BTNL8: variants seen among roughly 807,000 people sequenced by gnomAD.
The protein encoded by BTNL8 is butyrophilin like 8.
Under a neutral mutation model 36.1 loss-of-function variants are expected in BTNL8, and 22 were observed. The ratio of observed to expected loss-of-function variants is 0.61; its 90% CI spans 0.44 to 0.87. BTNL8 has a LOEUF of 0.87. Among genes scored for constraint, BTNL8 ranks in the 40% least tolerant of loss-of-function variants. The probability of loss-of-function intolerance (pLI) is 0.00; values close to 1 mark genes in which losing one functional copy is unlikely to be tolerated. For synonymous variants in BTNL8, 203 were observed against 235.6 expected (o/e 0.86, Z 1.27); for missense variants, 526 against 616.9 (o/e 0.85, Z 1.56).
At chr5:180,907,134 A>G (rs1283103647) in intron 1 of BTNL8, among the ~76,000 whole-genome samples, 1 of 118,476 alleles carries the variant, frequency 8.4e-6, no homozygotes, top group Non-Finnish European at 1.7e-5. Context: ...ACTTGGTTCC[A>G]TTCTCCCCAT....
chr5:180,932,543 G>T (rs933574427), intron 3 of BTNL8, among the ~76,000 whole-genome samples: 6 of 152,032 alleles, frequency 3.9e-5, no homozygotes, highest in Non-Finnish European at 7.4e-5. Flanking sequence ...TAGAGACAGG[G>T]TTTCACCATG....
At chr5:180,901,725 T>G (rs552353064) in intron 1 of BTNL8, among the ~76,000 whole-genome samples, 1 of 152,212 alleles carries the variant, frequency 6.6e-6, no homozygotes, top group South Asian at 2.1e-4. Context: ...AGGACATACA[T>G]GTACCAAGAA....
chr5:180,933,284 T>A (rs1758492515), intron 3 of BTNL8, among the ~76,000 whole-genome samples: 1 of 152,198 alleles, frequency 6.6e-6, no homozygotes, highest in Non-Finnish European at 1.5e-5. Flanking sequence ...ACTTTGGACT[T>A]AAACTACATG....
intron 3 of BTNL8, among the ~76,000 whole-genome samples, chr5:180,912,309 G>A (rs1344938902): frequency 1.3e-5 from 2 of 152,014 alleles, no homozygotes; most frequent in African/African-American, 2.4e-5. Flanking sequence ...CATGAGTTGG[G>A]ACCTAAAAGA....
rs1471190461 is a variant in BTNL8, at chr5:180,935,839, TCAA to T, written c.674-11670_674-11668del. On this transcript the variant is annotated intron_variant, in intron 3 of 7. Transcript: ENST00000340184. This position sits in a 1 kb window ranked among gnomAD's most constrained non-coding sequence, Gnocchi z 4.8. ...TGCTCCAGACAGGCTGCCACTGTTA[TCAA>T]CATCATACTTAAACATGAAAAGTGG... Among the ~76,000 whole-genome samples, 3 of 151,910 alleles carry T rather than the reference TCAA, an allele frequency of 2.0e-5. No homozygotes were observed. Among genetic ancestry groups the T allele is most frequent in the Non-Finnish European group, 4.4e-5 (3 of 68,010 alleles).
At chr5:180,940,944 T>A (rs1187882060) in intron 3 of BTNL8, among the ~76,000 whole-genome samples, 2 of 151,858 alleles carry the variant, frequency 1.3e-5, no homozygotes, top group Non-Finnish European at 2.9e-5. Flanking sequence ...CCCATAAAAA[T>A]TAGCTGGGCT....
chr5:180,940,249 G>A (rs1758859736), intron 3 of BTNL8, among the ~76,000 whole-genome samples: 1 of 151,682 alleles, frequency 6.6e-6, no homozygotes, highest in Non-Finnish European at 1.5e-5. Context: ...TGAGGCAGGA[G>A]AATCTCTTGA....
chr5:180,910,052 G>C (rs779939482), intron 2 of BTNL8: 1 of 152,160 alleles, frequency 6.6e-6, no homozygotes, highest in Non-Finnish European at 1.5e-5. Flanking sequence ...CAGTCTCTGA[G>C]GAGAGTTTCA....
At position 180,908,843 on chromosome 5, in the gene BTNL8, A is replaced by G. The variant is rs763120109; in HGVS notation, c.307A>G (p.Asn103Asp). ...AEGRISLRLE[N>D]ITVLDAGLYG... ...GGGGCGCATCTCTCTGAGGCTGGAA[A>G]ACATTACTGTGTTGGATGCTGGCCT... Residue 103 changes from asparagine to aspartate, a missense_variant, in exon 2 of 8, where the codon AAC becomes GAC. By Grantham distance (23) the Asn-to-Asp change is conservative. Around this residue, in one of 2 missense-constraint regions of BTNL8, gnomAD observed 350 missense variants for 324.6 expected, o/e 1.08. Transcript: ENST00000340184. 23 of 1,614,176 alleles carry G rather than the reference A, an allele frequency of 1.4e-5. 1 individual carries two copies. In the South Asian group the frequency reaches 2.4e-4, roughly 17 times the overall value.
chr5:180,943,620 G>A (rs1759093076), intron 3 of BTNL8, among the ~76,000 whole-genome samples: 1 of 152,122 alleles, frequency 6.6e-6, no homozygotes, highest in South Asian at 2.1e-4. Flanking sequence ...GTGGAGAAGA[G>A]GAACACTTAC....
intron 4 of BTNL8, chr5:180,948,013 T>G: frequency 1.5e-6 from 1 of 673,854 alleles, no homozygotes; most frequent in East Asian, 2.8e-5. Flanking sequence ...AATAAGACTT[T>G]TCACCCCCAA....
At chr5:180,920,858 C>T (rs1757833373) in intron 3 of BTNL8, among the ~76,000 whole-genome samples, 2 of 151,932 alleles carry the variant, frequency 1.3e-5, no homozygotes, top group South Asian at 2.1e-4. Context: ...CTATCACTAA[C>T]CATCAGGGAA....
intron 1 of BTNL8, 31 bp from the exon 2 acceptor site, chr5:180,908,555 G>T: frequency 6.2e-7 from 1 of 1,604,914 alleles, no homozygotes; most frequent in South Asian, 1.1e-5. Context: ...AAAGGGTTTT[G>T]ATGATTTATC....
intron 3 of BTNL8, among the ~76,000 whole-genome samples, chr5:180,936,898 T>C (rs1287769415): frequency 2.0e-5 from 3 of 152,164 alleles, no homozygotes; most frequent in Non-Finnish European, 4.4e-5. Flanking sequence ...TCCCCAGGAA[T>C]TGGGAATTAG....
rs1322250617 is a variant in BTNL8 at position 180,935,486 on chromosome 5, G to T, written c.674-12026G>T. On this transcript the variant is annotated intron_variant, in intron 3 of 7. Coordinates refer to ENST00000340184, the MANE Select transcript of BTNL8 (RefSeq NM_001040462.3). This position sits in a 1 kb window ranked among gnomAD's most constrained non-coding sequence, Gnocchi z 4.8. ...CTCCAGCACATGCATACCTGGCTGG[G>T]CACAACAGTGCCCGGACTCGGCTAC... 6.6e-6 allele frequency among the ~76,000 whole-genome samples: 1 copy of T among 152,200 alleles called. No individual in the cohort carries two copies. The highest frequency in any genetic ancestry group is 6.5e-5 in the Admixed American group (1 of 15,286).
intron 3 of BTNL8, among the ~76,000 whole-genome samples, chr5:180,913,011 C>A (rs939497064): frequency 1.3e-5 from 2 of 152,074 alleles, no homozygotes; most frequent in African/African-American, 4.8e-5. Flanking sequence ...AGCCACAGGG[C>A]TAAGATTGCT....
At chr5:180,920,319 A>T (rs988098459) in intron 3 of BTNL8, among the ~76,000 whole-genome samples, 1 of 152,148 alleles carries the variant, frequency 6.6e-6, no homozygotes, top group Admixed American at 6.5e-5. Context: ...ATCTTCAGTA[A>T]GATTACCAAG....
In BTNL8 at chr5:180,949,612, G is replaced by A. The variant is rs2113029253; in HGVS notation, c.863-292G>A. Reference sequence around the variant, plus strand: ...TGAGTGGGAGGAAGTTAGATAGTGGGGTCCCTCCAGCTCTTATGAATCAAA... The same window carrying A: ...TGAGTGGGAGGAAGTTAGATAGTGGAGTCCCTCCAGCTCTTATGAATCAAA... On this transcript the variant is annotated intron_variant, in intron 7 of 7. Coordinates refer to ENST00000340184, the MANE Select transcript of BTNL8 (RefSeq NM_001040462.3). The A allele has an allele frequency of 7.6e-6, 4 of 527,042 alleles. 2 individuals are homozygous for A. The highest frequency in any genetic ancestry group is 1.3e-5 in the Non-Finnish European group (4 of 297,892). 32.6% of individuals were successfully genotyped at this position (527,042 alleles called of 1,614,324 possible).
intron 3 of BTNL8, among the ~76,000 whole-genome samples, chr5:180,918,879 G>A (rs1757754906): frequency 6.6e-6 from 1 of 152,236 alleles, no homozygotes; most frequent in South Asian, 2.1e-4. Flanking sequence ...ATAGGGGGTT[G>A]TGGAGACCAA....
Sources: gnomAD v4.1 joint callset for allele counts (sites outside exome capture counted in the v4.1 genomes callset) on GRCh38, gnomAD v4.1.1 for gene constraint, gnomAD v4.1.1 regional missense constraint, Gnocchi (gnomAD v3.1) non-coding constraint, MANE v1.5 for transcripts, NCBI Gene and HGNC (gene_info 2026-07-23, HGNC 2026-07-21) for gene names.